The following DGKB variants were observed in gnomAD, a reference collection of about 807,000 sequenced individuals.
DGKB encodes 90 kDa diacylglycerol kinase.
DGKB carries 67 observed loss-of-function variants against 114.3 expected under a neutral mutation model. That is an observed-to-expected ratio of 0.59 (90% CI 0.48 to 0.72). The LOEUF (loss-of-function observed/expected upper bound fraction) is 0.72, where lower values mean the gene tolerates loss of function less well. Among genes scored for constraint, DGKB ranks in the 30% least tolerant of loss-of-function variants. The pLI is 0.00. For synonymous variants in DGKB, 398 were observed against 323.1 expected (o/e 1.23, Z -2.49); for missense variants, 907 against 975.2 (o/e 0.93, Z 0.93).
chr7:14,350,439 G>A (rs549017629), intron 21 of DGKB, among the ~76,000 whole-genome samples: 1 of 151,926 alleles, frequency 6.6e-6, no homozygotes, highest in South Asian at 2.1e-4. Flanking sequence ...TGCATTTTCC[G>A]AAAAGAATAA....
intron 1 of DGKB, among the ~76,000 whole-genome samples, chr7:14,864,292 C>A (rs763595104): frequency 6.6e-6 from 1 of 151,960 alleles, no homozygotes; most frequent in Non-Finnish European, 1.5e-5. Context: ...CAAATATTCA[C>A]CAAAAAACAA....
chr7:14,165,475 T>C (rs1420401490), intron 25 of DGKB, among the ~76,000 whole-genome samples: 1 of 152,150 alleles, frequency 6.6e-6, no homozygotes, highest in African/African-American at 2.4e-5. Context: ...ATTTGCCCTA[T>C]TCCTGCTATA....
intron 17 of DGKB, among the ~76,000 whole-genome samples, chr7:14,598,753 T>C (rs1314737797): frequency 1.3e-5 from 2 of 152,166 alleles, no homozygotes; most frequent in Non-Finnish European, 2.9e-5. Context: ...AAACTATATA[T>C]TTAATGAAAA....
At chr7:14,494,759 G>T (rs1025757977) in intron 20 of DGKB, among the ~76,000 whole-genome samples, 1 of 151,768 alleles carries the variant, frequency 6.6e-6, no homozygotes, top group African/African-American at 2.4e-5. Context: ...GTAAAACACT[G>T]CTTTGCTTCC....
chr7:14,540,432 G>C (rs1467541078), intron 20 of DGKB, among the ~76,000 whole-genome samples: 2 of 151,970 alleles, frequency 1.3e-5, no homozygotes, highest in Non-Finnish European at 2.9e-5. Flanking sequence ...GCCCAAATTG[G>C]CAGGGATGTC....
intron 15 of DGKB, among the ~76,000 whole-genome samples, chr7:14,618,777 A>G (rs1585142489): frequency 6.6e-6 from 1 of 151,674 alleles, no homozygotes; most frequent in South Asian, 2.1e-4. Flanking sequence ...AAGAAATAAG[A>G]TGAATGTGCT....
intron 23 of DGKB, among the ~76,000 whole-genome samples, chr7:14,260,091 CACACACACACACACATGA>C (rs1203247186): frequency 3.3e-5 from 2 of 61,270 alleles, no homozygotes; most frequent in African/African-American, 1.9e-4. Flanking sequence ...TATGTGTACA[CACACACACACACACATGA>C]ACACACACAC....
At chr7:14,433,552 T>C (rs1470858944) in intron 21 of DGKB, among the ~76,000 whole-genome samples, 2 of 152,074 alleles carry the variant, frequency 1.3e-5, no homozygotes, top group Non-Finnish European at 2.9e-5. Context: ...TACAACATAA[T>C]TCCCTGAAAA....
chr7:14,300,671 T>C (rs2128487493), intron 23 of DGKB, among the ~76,000 whole-genome samples: 1 of 152,252 alleles, frequency 6.6e-6, no homozygotes, highest in South Asian at 2.1e-4. Context: ...GACATGCCAC[T>C]TTTGATCTTA....
At chr7:14,505,116 A>G (rs1023426641) in intron 20 of DGKB, among the ~76,000 whole-genome samples, 2 of 152,152 alleles carry the variant, frequency 1.3e-5, no homozygotes, top group Non-Finnish European at 2.9e-5. Flanking sequence ...CTCATATCCT[A>G]TGCAGTTTGT....
At chr7:14,201,245 A>C (rs747394038) in intron 23 of DGKB, among the ~76,000 whole-genome samples, 6 of 151,596 alleles carry the variant, frequency 4.0e-5, no homozygotes, top group Admixed American at 6.6e-5. Context: ...CATTAATCCC[A>C]ATTATGATGG....
At chr7:14,206,684 T>C (rs1283347277) in intron 23 of DGKB, among the ~76,000 whole-genome samples, 2 of 152,074 alleles carry the variant, frequency 1.3e-5, no homozygotes, top group Admixed American at 6.6e-5. Context: ...ATGTAGTTTC[T>C]ATACCCATAA....
chr7:14,628,785 T>G (rs951351700), intron 14 of DGKB, among the ~76,000 whole-genome samples: 1 of 152,022 alleles, frequency 6.6e-6, no homozygotes, highest in Admixed American at 6.6e-5. Context: ...CTTAAGGAAA[T>G]TTTTGGAACA....
intron 4 of DGKB, among the ~76,000 whole-genome samples, chr7:14,738,330 C>T (rs185256868): frequency 7.5e-4 from 114 of 152,290 alleles, no homozygotes; most frequent in Non-Finnish European, 9.9e-4. Flanking sequence ...GTAGCGCTTC[C>T]TTCTGTTCCT....
At chr7:14,466,354 C>T (rs1365295164) in intron 21 of DGKB, among the ~76,000 whole-genome samples, 2 of 151,966 alleles carry the variant, frequency 1.3e-5, no homozygotes, top group African/African-American at 2.4e-5. Context: ...GTCAAGAGAT[C>T]GAGACAATCC....
rs568938328 is a variant in DGKB, at chr7:14,801,448, G to A, written c.70+39746C>T. On this transcript the variant is annotated intron_variant, in intron 2 of 25. Transcript: ENST00000402815. ...AAACATGGTTTCTGAGTGTGTCTGT[G>A]AAGATGTTTCCATATGAGACTAGCA... Among the ~76,000 whole-genome samples, 75 of 152,286 alleles carry A rather than the reference G, an allele frequency of 4.9e-4. 1 individual carries two copies. Among genetic ancestry groups the A allele is most frequent in the South Asian group, 4.8e-3 (23 of 4,818 alleles).
intron 2 of DGKB, among the ~76,000 whole-genome samples, chr7:14,758,010 G>A (rs766837066): frequency 3.5e-4 from 53 of 152,030 alleles, no homozygotes; most frequent in Non-Finnish European, 6.9e-4. Flanking sequence ...TTAGAGGGAC[G>A]CTATAGATTT....
intron 2 of DGKB, among the ~76,000 whole-genome samples, chr7:14,811,803 C>T (rs190283806): frequency 6.9e-5 from 7 of 101,418 alleles, no homozygotes; most frequent in East Asian, 6.1e-4. Flanking sequence ...TGTATATATA[C>T]ACACACACAC....
At chr7:14,492,962 T>C (rs1386861705) in intron 20 of DGKB, among the ~76,000 whole-genome samples, 5 of 152,114 alleles carry the variant, frequency 3.3e-5, no homozygotes, top group African/African-American at 1.2e-4. Flanking sequence ...TATGCTTACA[T>C]AGACATAACC....
Sources: allele counts gnomAD v4.1 joint callset (sites outside exome capture counted in the v4.1 genomes callset), GRCh38; gene constraint gnomAD v4.1.1; transcripts MANE v1.5; gene names NCBI Gene and HGNC (gene_info 2026-07-23, HGNC 2026-07-21).